Variants in NOVA1 observed in about 807,000 individuals in gnomAD.
NOVA1 encodes the protein RNA-binding protein Nova-1.
NOVA1 carries 7 observed loss-of-function variants against 38.0 expected under a neutral mutation model. The ratio of observed to expected loss-of-function variants is 0.18; its 90% CI spans 0.10 to 0.35. The LOEUF is 0.35. NOVA1 is among the 10% of genes least tolerant of loss of function. The probability of loss-of-function intolerance (pLI) is 1.00; values close to 1 mark genes in which losing one functional copy is unlikely to be tolerated. For synonymous variants in NOVA1, 270 were observed against 232.5 expected (o/e 1.16, Z -1.47); for missense variants, 460 against 616.0 (o/e 0.75, Z 2.68).
At position 26,512,134 on chromosome 14, in the gene NOVA1, A is replaced by G. The variant is rs541340790; in HGVS notation, c.281-31991T>C. 4.6e-5 allele frequency among the ~76,000 whole-genome samples: 7 copies of G among 152,322 alleles called. No individual in the cohort carries two copies. The South Asian group carries it at 1.4e-3, about 32-fold the overall frequency. On this transcript the variant is annotated intron_variant, in intron 2 of 4. Transcript: ENST00000539517. ...AAAAAGAATACATTAATGCTTGAAT[A>G]AGAGTATATATTTTGCTTTAAATCT...
chr14:26,454,273 CAT>C (rs1882973064), intron 4 of NOVA1, among the ~76,000 whole-genome samples: 1 of 152,192 alleles, frequency 6.6e-6, no homozygotes, highest in African/African-American at 2.4e-5. Context: ...GAAGTAAAAA[CAT>C]GACCCAGGTC....
intron 3 of NOVA1, among the ~76,000 whole-genome samples, chr14:26,477,495 T>C (rs189796499): frequency 2.0e-5 from 3 of 152,118 alleles, no homozygotes; most frequent in Non-Finnish European, 4.4e-5. Context: ...AGGCACTACT[T>C]TCCCAAGAAA....
rs1273650692 is a variant in NOVA1 at position 26,445,707 on chromosome 14, T to G, written c.*2252A>C. On this transcript the variant is annotated 3_prime_UTR_variant, in exon 5 of 5. Transcript: ENST00000539517. ...TTTGAAATGCTTCTAGTACACATCC[T>G]AGATCACTTCCTTTCCCTTTTTCAA... is the stretch of plus-strand genomic sequence containing the variant. 6.6e-6 allele frequency: 1 copy of G among 152,380 alleles called. No individual in the cohort carries two copies. Among genetic ancestry groups the G allele is most frequent in the East Asian group, 1.9e-4 (1 of 5,178 alleles). The allele number at this position is 152,380 out of a possible 1,614,324, so 9.4% of individuals were successfully genotyped here. A position where few individuals can be genotyped will look rare whatever the true frequency, so the allele number is the denominator to read the frequency against.
intron 2 of NOVA1, among the ~76,000 whole-genome samples, chr14:26,547,047 A>C (rs1018108640): frequency 6.6e-6 from 1 of 152,172 alleles, no homozygotes; most frequent in Non-Finnish European, 1.5e-5. Flanking sequence ...AAATTAAATT[A>C]AAATTCATAT....
chr14:26,541,282 A>C (rs1890450815), intron 2 of NOVA1, among the ~76,000 whole-genome samples: 1 of 151,984 alleles, frequency 6.6e-6, no homozygotes, highest in African/African-American at 2.4e-5. Context: ...TTTCCCTGTA[A>C]CATGAGTAAG....
intron 2 of NOVA1, among the ~76,000 whole-genome samples, chr14:26,487,316 T>A (rs1193044651): frequency 6.6e-6 from 1 of 152,206 alleles, no homozygotes; most frequent in Admixed American, 6.5e-5. Context: ...ACTTAAAATT[T>A]GAAGCAATTT....
chr14:26,538,400 GA>G (rs1566517050), intron 2 of NOVA1, among the ~76,000 whole-genome samples: 2 of 151,830 alleles, frequency 1.3e-5, no homozygotes, highest in Non-Finnish European at 2.9e-5. Flanking sequence ...CAAAACTAAG[GA>G]AAAAACTAAT....
rs1489654012 is a variant in NOVA1 at position 26,574,275 on chromosome 14, CCCCCCG to C, written c.280+21129_280+21134del. Among the ~76,000 whole-genome samples the C allele has an allele frequency of 5.0e-5, 5 of 99,092 alleles. 1 individual carries two copies. Among genetic ancestry groups the C allele is most frequent in the Admixed American group, 1.9e-4 (2 of 10,264 alleles). 65.0% of individuals were successfully genotyped at this position (99,092 alleles called of 152,430 possible). ...TCCTGACCTCGTGATCCACCCCCCCCCCCCCGCCCCCTCGGCCTCCCAAAGTGCTGG... is the reference window on the plus strand; with the variant it reads ...TCCTGACCTCGTGATCCACCCCCCCCCCCCCTCGGCCTCCCAAAGTGCTGG... On this transcript the variant is annotated intron_variant, in intron 2 of 4. Coordinates refer to ENST00000539517, the MANE Select transcript of NOVA1 (RefSeq NM_002515.3).
intron 3 of NOVA1, among the ~76,000 whole-genome samples, chr14:26,473,938 G>C (rs1339423773): frequency 6.6e-6 from 1 of 152,008 alleles, no homozygotes; most frequent in African/African-American, 2.4e-5. Context: ...TCTCAAGAGA[G>C]ACTTCATTTC....
At chr14:26,457,089 C>T (rs866981679) in intron 4 of NOVA1, among the ~76,000 whole-genome samples, 2 of 151,888 alleles carry the variant, frequency 1.3e-5, no homozygotes, top group African/African-American at 4.8e-5. Flanking sequence ...TTTTCTCTTA[C>T]CATATACACT....
chr14:26,551,985 C>A (rs904607296), intron 2 of NOVA1, among the ~76,000 whole-genome samples: 4 of 151,880 alleles, frequency 2.6e-5, no homozygotes, highest in Admixed American at 2.0e-4. Flanking sequence ...TATAAAATGA[C>A]AAGTAAATTC....
intron 2 of NOVA1, among the ~76,000 whole-genome samples, chr14:26,548,585 T>G (rs556237417): frequency 2.0e-5 from 3 of 152,264 alleles, no homozygotes; most frequent in Admixed American, 6.5e-5. Flanking sequence ...ATAACATTCC[T>G]TATCATGTTG....
intron 2 of NOVA1, among the ~76,000 whole-genome samples, chr14:26,558,607 C>T (rs1482356550): frequency 6.6e-6 from 1 of 152,086 alleles, no homozygotes; most frequent in African/African-American, 2.4e-5. Flanking sequence ...TGCAAAAATA[C>T]TGTTTTCTCA....
intron 2 of NOVA1, among the ~76,000 whole-genome samples, chr14:26,548,489 C>T (rs1005916153): frequency 6.6e-6 from 1 of 151,942 alleles, no homozygotes; most frequent in Admixed American, 6.6e-5. Context: ...ATTCTAATTT[C>T]TTCACATAGA....
intron 2 of NOVA1, among the ~76,000 whole-genome samples, chr14:26,590,971 A>C (rs1423769204): frequency 6.6e-6 from 1 of 151,762 alleles, no homozygotes; most frequent in East Asian, 1.9e-4. Flanking sequence ...ATCAAATAAA[A>C]TGTACAGCTA....
chr14:26,553,195 G>A (rs1891269407), intron 2 of NOVA1, among the ~76,000 whole-genome samples: 1 of 152,132 alleles, frequency 6.6e-6, no homozygotes, highest in African/African-American at 2.4e-5. Context: ...ATCGCCCAGG[G>A]GCTGGCAATT....
intron 2 of NOVA1, among the ~76,000 whole-genome samples, chr14:26,511,125 C>G (rs1481118332): frequency 6.6e-6 from 1 of 152,052 alleles, no homozygotes; most frequent in Non-Finnish European, 1.5e-5. Flanking sequence ...TTGAGATGAT[C>G]GATATTGTTG....
At chr14:26,551,344 C>A (rs61986529) in intron 2 of NOVA1, among the ~76,000 whole-genome samples, 6,246 of 152,024 alleles carry the variant, frequency 0.041, 186 homozygotes, top group South Asian at 0.097. Flanking sequence ...TAATACCTGG[C>A]CTATTATTAC....
At chr14:26,564,841 T>C (rs941998767) in intron 2 of NOVA1, among the ~76,000 whole-genome samples, 4 of 152,200 alleles carry the variant, frequency 2.6e-5, no homozygotes, top group African/African-American at 9.6e-5. Context: ...TTAGTGTTTC[T>C]GTGAGATAAA....
Sources: allele counts gnomAD v4.1 joint callset (sites outside exome capture counted in the v4.1 genomes callset), GRCh38; gene constraint gnomAD v4.1.1; transcripts MANE v1.5; gene names NCBI Gene and HGNC (gene_info 2026-07-23, HGNC 2026-07-21).